Variants in DLGAP2 observed in about 807,000 individuals in gnomAD.
DLGAP2 encodes DLG associated protein 2, also known as disks large-associated protein 2.
Under a neutral mutation model 100.3 loss-of-function variants are expected in DLGAP2, and 26 were observed. That is an observed-to-expected ratio of 0.26 (90% CI 0.19 to 0.36). The LOEUF (loss-of-function observed/expected upper bound fraction) is 0.36. Ranked by LOEUF, DLGAP2 falls within the 10% of genes least tolerant of loss-of-function variation. The pLI, the probability that DLGAP2 is intolerant of heterozygous loss-of-function variation, is 1.00. For missense variants in DLGAP2, 1,858 were observed against 1,453.2 expected, an observed-to-expected ratio of 1.28 and a Z score of -4.53; for synonymous variants, 886 against 630.1, an observed-to-expected ratio of 1.41 and a Z score of -6.08.
chr8:952,197 G>A (rs893039621), intron 2 of DLGAP2, among the ~76,000 whole-genome samples: 7 of 152,350 alleles, frequency 4.6e-5, no homozygotes, highest in African/African-American at 1.7e-4. Context: ...GAGCTGAAAG[G>A]ATGTGCCTCC....
intron 3 of DLGAP2, among the ~76,000 whole-genome samples, chr8:1,452,132 C>T (rs557415133): frequency 2.0e-5 from 3 of 152,396 alleles, no homozygotes; most frequent in East Asian, 1.9e-4. Context: ...TGTCTTCCAG[C>T]TGTCTGTCAA....
chr8:1,324,160 T>A (rs957419746), intron 3 of DLGAP2, among the ~76,000 whole-genome samples: 4 of 152,216 alleles, frequency 2.6e-5, no homozygotes, highest in African/African-American at 9.6e-5. Flanking sequence ...ATTTTGAATA[T>A]GGACTGTTTG....
intron 2 of DLGAP2, among the ~76,000 whole-genome samples, chr8:1,066,576 C>G (rs1803260910): frequency 6.6e-6 from 1 of 151,240 alleles, no homozygotes; most frequent in Non-Finnish European, 1.5e-5. Flanking sequence ...TGAGTGAGGG[C>G]AGCTCCCCAC....
chr8:1,359,399 A>G (rs562332564), intron 3 of DLGAP2, among the ~76,000 whole-genome samples: 1 of 152,338 alleles, frequency 6.6e-6, no homozygotes, highest in South Asian at 2.1e-4. Flanking sequence ...GCTTCAGAGG[A>G]GGACAGTTTT....
chr8:1,336,007 A>G (rs999794225), intron 3 of DLGAP2, among the ~76,000 whole-genome samples: 2 of 152,040 alleles, frequency 1.3e-5, no homozygotes, highest in African/African-American at 4.8e-5. Context: ...TCCAGGGGGG[A>G]AAACATCACA....
At position 1,478,917 on chromosome 8, in the gene DLGAP2, G is replaced by A. The variant is rs188564265; in HGVS notation, c.107-22449G>A. Among the ~76,000 whole-genome samples the A allele has an allele frequency of 3.1e-4, 47 of 152,352 alleles. No individual in the cohort carries two copies. The East Asian group carries it at 9.1e-3, about 29-fold the overall frequency. ...GAAGCTGGAGGTTGAGGGAGATGAC[G>A]GCGCATCCTGGAGACTGAAGGTCAG... On this transcript the variant is annotated intron_variant, in intron 3 of 14. Coordinates refer to ENST00000637795, the MANE Select transcript of DLGAP2 (RefSeq NM_001346810.2).
intron 2 of DLGAP2, among the ~76,000 whole-genome samples, chr8:1,256,849 G>T (rs925286152): frequency 6.6e-6 from 1 of 152,118 alleles, no homozygotes; most frequent in East Asian, 1.9e-4. Flanking sequence ...TGGCTGCCCC[G>T]TGTCCCCTGG....
At chr8:1,237,473 C>T (rs1374733448) in intron 2 of DLGAP2, among the ~76,000 whole-genome samples, 1 of 142,942 alleles carries the variant, frequency 7.0e-6, no homozygotes, top group Non-Finnish European at 1.5e-5. Flanking sequence ...CACATGGTGC[C>T]GTGTCTAGTT....
In DLGAP2 at chr8:1,669,800, T is replaced by G. The variant is rs201358436; in HGVS notation, c.2202+16T>G. ...AAGGTCAGATGTAAGTACCGAAATG[T>G]GCTCCAAAGCCGCGTCCGCATGACT... On this transcript the variant is annotated intron_variant, in intron 10 of 14. Coordinates refer to ENST00000637795, the MANE Select transcript of DLGAP2 (RefSeq NM_001346810.2). The G allele has an allele frequency of 9.0e-6, 7 of 780,918 alleles. No individual in the cohort carries two copies. The highest frequency in any genetic ancestry group is 1.7e-5 in the Non-Finnish European group (7 of 417,978). 48.4% of individuals were successfully genotyped at this position (780,918 alleles called of 1,614,324 possible).
intron 4 of DLGAP2, among the ~76,000 whole-genome samples, chr8:1,530,328 C>G (rs1800946460): frequency 6.6e-6 from 1 of 152,138 alleles, no homozygotes; most frequent in Non-Finnish European, 1.5e-5. Flanking sequence ...CTCCCATTTG[C>G]TTTTGAAAGA....
chr8:1,453,645 A>C (rs142357717), intron 3 of DLGAP2, among the ~76,000 whole-genome samples: 1 of 152,122 alleles, frequency 6.6e-6, no homozygotes, highest in Non-Finnish European at 1.5e-5. Flanking sequence ...CTGTGCCTGC[A>C]ACACCACCAT....
At chr8:1,511,427 A>G (rs1584970466) in intron 4 of DLGAP2, among the ~76,000 whole-genome samples, 3 of 141,196 alleles carry the variant, frequency 2.1e-5, no homozygotes, top group African/African-American at 8.0e-5. Context: ...GTGTAGGACA[A>G]TCAGTAGATG....
chr8:1,602,476 C>G (rs1300320755), intron 6 of DLGAP2, among the ~76,000 whole-genome samples: 1 of 152,198 alleles, frequency 6.6e-6, no homozygotes, highest in Non-Finnish European at 1.5e-5. Context: ...TTCATGCAGC[C>G]ATGTTGCCCA....
At chr8:1,280,798 G>C (rs927480585) in intron 3 of DLGAP2, among the ~76,000 whole-genome samples, 1 of 152,188 alleles carries the variant, frequency 6.6e-6, no homozygotes, top group Non-Finnish European at 1.5e-5. Context: ...GTTTGCAGAT[G>C]TCACCTGTAA....
At chr8:1,604,253 T>C (rs890350224) in intron 6 of DLGAP2, among the ~76,000 whole-genome samples, 9 of 152,182 alleles carry the variant, frequency 5.9e-5, no homozygotes, top group Non-Finnish European at 1.2e-4. Flanking sequence ...TTGCTGAAAA[T>C]GTAAATACGA....
chr8:1,390,738 C>T (rs552200913), intron 3 of DLGAP2, among the ~76,000 whole-genome samples: 1 of 152,302 alleles, frequency 6.6e-6, no homozygotes, highest in South Asian at 2.1e-4. Flanking sequence ...GAGGGCTCTG[C>T]CTGAGAATAC....
At chr8:1,272,836 A>G (rs1054637578) in intron 3 of DLGAP2, among the ~76,000 whole-genome samples, 16 of 152,096 alleles carry the variant, frequency 1.1e-4, no homozygotes, top group African/African-American at 3.9e-4. Context: ...AGTCCCTGTC[A>G]CTGTTGTAAA....
intron 6 of DLGAP2, among the ~76,000 whole-genome samples, chr8:1,568,883 AT>A (rs34820914): frequency 0.06 from 1,955 of 32,630 alleles, 51 homozygotes; most frequent in Middle Eastern, 0.14. Context: ...ACACAAATCC[AT>A]CTCTGCCTGC....
At chr8:1,591,274 G>A (rs2130672184) in intron 6 of DLGAP2, among the ~76,000 whole-genome samples, 1 of 147,754 alleles carries the variant, frequency 6.8e-6, no homozygotes, top group East Asian at 2.2e-4. Context: ...TTAGAGCATG[G>A]GGGTCACTCA....
Sources: allele counts gnomAD v4.1 joint callset (sites outside exome capture counted in the v4.1 genomes callset), GRCh38; gene constraint gnomAD v4.1.1; transcripts MANE v1.5; gene names NCBI Gene and HGNC (gene_info 2026-07-23, HGNC 2026-07-21).